CUX1: variants seen among roughly 807,000 people sequenced by gnomAD.
CUX1 encodes cut like homeobox 1, also known as protein CASP.
In CUX1, 31 loss-of-function variants were observed where a neutral mutation model predicts 158.8. The ratio of observed to expected loss-of-function variants is 0.20; its 90% CI spans 0.15 to 0.26. The LOEUF is 0.26. CUX1 is among the 10% of genes least tolerant of loss of function. CUX1 has a pLI of 1.00. For missense variants in CUX1, 1,589 were observed against 2,014.6 expected, an observed-to-expected ratio of 0.79 and a Z score of 4.04; for synonymous variants, 879 against 862.1, an observed-to-expected ratio of 1.02 and a Z score of -0.34.
chr7:102,025,058 G>A (rs969195781), intron 2 of CUX1, among the ~76,000 whole-genome samples: 3 of 152,090 alleles, frequency 2.0e-5, no homozygotes, highest in Admixed American at 6.6e-5. Context: ...TCGCGCTGCC[G>A]GCATTCCTAT....
Position 102,252,137 on chromosome 7 carries a change from T to C in CUX1, c.*3095T>C. On this transcript the variant is annotated 3_prime_UTR_variant, in exon 24 of 24. Transcript: ENST00000292535. ...CTATTATTTATTTTTTTAAAAAAAA[T>C]AGAGATCCTAACCTTAGATCTTTGA... The C allele has an allele frequency of 1.0e-6, 1 of 984,744 alleles. No homozygotes were observed. The highest frequency in any genetic ancestry group is 1.1e-4 in the East Asian group (1 of 8,808). 61.0% of individuals were successfully genotyped at this position (984,744 alleles called of 1,614,324 possible).
intron 20 of CUX1, among the ~76,000 whole-genome samples, chr7:102,216,807 CCCACACACACTCTCCCA>C (rs1485442920): frequency 2.4e-4 from 11 of 46,160 alleles, no homozygotes; most frequent in Non-Finnish European, 3.5e-4. Flanking sequence ...CACACACACC[CCCACACACACTCTCCCA>C]CCACACACAC....
At chr7:102,154,636 C>A (rs1836063909) in intron 8 of CUX1, among the ~76,000 whole-genome samples, 1 of 135,084 alleles carries the variant, frequency 7.4e-6, no homozygotes, top group African/African-American at 3.1e-5. Flanking sequence ...AAATAAATAG[C>A]TAAAGACCAG....
At position 102,243,871 on chromosome 7, in the gene CUX1, T is replaced by C. The variant is rs559973296; in HGVS notation, c.3887+4287T>C. ...GGTGAAACCCTGCCTCTACTAAAAA[T>C]ACAAAATTAGCCCGGTGTGGTGGCA... is the stretch of plus-strand genomic sequence containing the variant. On this transcript the variant is annotated intron_variant, in intron 23 of 23. Coordinates refer to ENST00000292535, the MANE Select transcript of CUX1 (RefSeq NM_181552.4). Among the ~76,000 whole-genome samples, 12 of 151,446 alleles carry C rather than the reference T, an allele frequency of 7.9e-5. No homozygotes were observed. In the South Asian group the frequency reaches 2.3e-3, roughly 29 times the overall value.
intron 2 of CUX1, among the ~76,000 whole-genome samples, chr7:102,012,726 CT>C (rs1477504063): frequency 6.6e-6 from 1 of 151,528 alleles, no homozygotes; most frequent in Non-Finnish European, 1.5e-5. Context: ...GGTTGTCCGT[CT>C]TTGTATCTCT....
In CUX1 at chr7:102,250,892, CG is replaced by C. The variant is rs1246646177; in HGVS notation, c.*1852del. The C allele has an allele frequency of 2.6e-5, 26 of 985,192 alleles. No individual in the cohort carries two copies. Among genetic ancestry groups the C allele is most frequent in the Non-Finnish European group, 3.1e-5 (26 of 829,912 alleles). The allele number at this position is 985,192 out of a possible 1,614,324, so 61.0% of individuals were successfully genotyped here. ...TTTCAATAAGCTGTTTTATCAGTTA[CG>C]GCTTCTACAAGTTTGCTAATTTAGA... On this transcript the variant is annotated 3_prime_UTR_variant, in exon 24 of 24. Transcript: ENST00000292535.
intron 2 of CUX1, among the ~76,000 whole-genome samples, chr7:101,922,193 A>G (rs1161223220): frequency 1.3e-5 from 2 of 152,196 alleles, no homozygotes; most frequent in Non-Finnish European, 2.9e-5. Context: ...TGTGCCAGAC[A>G]GTTTGGCCCT....
At chr7:101,927,962 C>A (rs528772209) in intron 2 of CUX1, among the ~76,000 whole-genome samples, 1 of 152,188 alleles carries the variant, frequency 6.6e-6, no homozygotes, top group Non-Finnish European at 1.5e-5. Flanking sequence ...TGTCTGCCCC[C>A]GCCCCTTGCT....
At chr7:101,999,611 C>T (rs966386031) in intron 2 of CUX1, among the ~76,000 whole-genome samples, 3 of 152,196 alleles carry the variant, frequency 2.0e-5, no homozygotes, top group Non-Finnish European at 2.9e-5. Flanking sequence ...TCTGCTGAGG[C>T]TGGTGACAAA....
chr7:101,978,377 GC>G (rs1465970160), intron 2 of CUX1, among the ~76,000 whole-genome samples: 1 of 152,104 alleles, frequency 6.6e-6, no homozygotes, highest in Non-Finnish European at 1.5e-5. Flanking sequence ...ACCTAGGTGT[GC>G]CCTGGGGCTC....
chr7:101,877,753 C>A (rs1799295857), intron 1 of CUX1, among the ~76,000 whole-genome samples: 1 of 133,988 alleles, frequency 7.5e-6, no homozygotes, highest in South Asian at 2.6e-4. Flanking sequence ...AAAATCCCTC[C>A]AATTGTGTGT....
At chr7:102,231,647 G>A (rs536992415) in intron 21 of CUX1, among the ~76,000 whole-genome samples, 3 of 151,526 alleles carry the variant, frequency 2.0e-5, no homozygotes, top group Middle Eastern at 3.4e-3. Context: ...TTGCTTTCCC[G>A]AACATAGCAA....
intron 5 of CUX1, among the ~76,000 whole-genome samples, chr7:102,103,834 G>C (rs1830048779): frequency 6.6e-6 from 1 of 151,964 alleles, no homozygotes; most frequent in African/African-American, 2.4e-5. Flanking sequence ...TTTTGATACA[G>C]GCATGCAATG....
At chr7:102,242,358 C>T (rs112564941) in intron 23 of CUX1, among the ~76,000 whole-genome samples, 12,377 of 151,998 alleles carry the variant, frequency 0.081, 778 homozygotes, top group African/African-American at 0.17. Flanking sequence ...TATAGGCACC[C>T]ACCACCATGC....
At chr7:101,981,618 T>C (rs1813452042) in intron 2 of CUX1, among the ~76,000 whole-genome samples, 1 of 143,286 alleles carries the variant, frequency 7.0e-6, no homozygotes. Context: ...GTTTAAAGTC[T>C]TTTTTTTTTT....
rs1215439985 is a variant in CUX1, at chr7:102,281,721, C to T, written c.1822-119C>T. 1.1e-5 allele frequency: 8 copies of T among 709,560 alleles called. No homozygotes were observed. The East Asian group carries it at 2.2e-4, about 19-fold the overall frequency. The allele number at this position is 709,560 out of a possible 1,614,324, so 44.0% of individuals were successfully genotyped here. ...GGCCCATAATGATGGAATAGGGGCC[C>T]CAGCTTCCTGTCCCTTCCCTCCCCT... On this transcript the variant is annotated intron_variant, in intron 20 of 22. Transcript: ENST00000292538.
At chr7:101,980,396 G>A (rs1813280447) in intron 2 of CUX1, among the ~76,000 whole-genome samples, 2 of 152,212 alleles carry the variant, frequency 1.3e-5, no homozygotes, top group African/African-American at 4.8e-5. Context: ...TGTGGTCCCA[G>A]CTACTGGGGA....
intron 5 of CUX1, among the ~76,000 whole-genome samples, chr7:102,103,748 CT>C (rs35709807): frequency 0.22 from 31,699 of 145,026 alleles, 3,426 homozygotes; most frequent in Middle Eastern, 0.31. Flanking sequence ...AGACTTTCAT[CT>C]TTTTTTTTTT....
chr7:101,968,791 T>G (rs538364716), intron 2 of CUX1, among the ~76,000 whole-genome samples: 1 of 151,426 alleles, frequency 6.6e-6, no homozygotes, highest in Non-Finnish European at 1.5e-5. Context: ...CAGGGGAGAG[T>G]TGGTAGGGAG....
Sources: gnomAD v4.1 joint callset for allele counts (sites outside exome capture counted in the v4.1 genomes callset) on GRCh38, gnomAD v4.1.1 for gene constraint, MANE v1.5 for transcripts, NCBI Gene and HGNC (gene_info 2026-07-23, HGNC 2026-07-21) for gene names.